Variants in ZCCHC7 observed in about 807,000 individuals in gnomAD.
ZCCHC7 encodes the protein zinc finger CCHC domain-containing protein 7.
ZCCHC7 carries 35 observed loss-of-function variants against 52.0 expected under a neutral mutation model. The observed-to-expected ratio is 0.67, with a 90% CI of 0.51 to 0.89. ZCCHC7 has a LOEUF of 0.89. Ranked by LOEUF, ZCCHC7 falls within the 40% of genes least tolerant of loss-of-function variation. ZCCHC7 has a pLI of 0.00. For synonymous variants in ZCCHC7, 217 were observed against 221.5 expected, an observed-to-expected ratio of 0.98 and a Z score of 0.18; for missense variants, 574 against 649.1, an observed-to-expected ratio of 0.88 and a Z score of 1.26.
intron 6 of ZCCHC7, among the ~76,000 whole-genome samples, chr9:37,334,864 T>A (rs2118334048): frequency 6.6e-6 from 1 of 152,234 alleles, no homozygotes; most frequent in Admixed American, 6.6e-5. Flanking sequence ...CCTTAATTGG[T>A]ACACCAGTAC....
chr9:37,354,947 A>G lies in ZCCHC7; in HGVS notation c.1198+123A>G. 1 of 594,748 alleles carries G rather than the reference A, an allele frequency of 1.7e-6. No homozygotes were observed. Among genetic ancestry groups the G allele is most frequent in the Admixed American group, 3.1e-5 (1 of 31,970 alleles). The allele number at this position is 594,748 out of a possible 1,614,324, so 36.8% of individuals were successfully genotyped here. A position where few individuals can be genotyped will look rare whatever the true frequency, so the allele number is the denominator to read the frequency against. ...TAGAAAGTATTTTTAGTAATTACCAAAGAGACTGGAACTTTCTTGATCTCC... is the reference window on the plus strand; with the variant it reads ...TAGAAAGTATTTTTAGTAATTACCAGAGAGACTGGAACTTTCTTGATCTCC... On this transcript the variant is annotated intron_variant, in intron 8 of 8. Transcript: ENST00000336755. This position sits in a 1 kb window ranked among gnomAD's most constrained non-coding sequence, Gnocchi z 4.0.
chr9:37,340,943 G>T (rs1820597495), intron 6 of ZCCHC7, among the ~76,000 whole-genome samples: 1 of 152,050 alleles, frequency 6.6e-6, no homozygotes, highest in Admixed American at 6.6e-5. Context: ...ACAATATACT[G>T]TTGCTATTTT....
At chr9:37,301,570 A>T (rs1829031491) in intron 2 of ZCCHC7, among the ~76,000 whole-genome samples, 1 of 152,210 alleles carries the variant, frequency 6.6e-6, no homozygotes, top group Non-Finnish European at 1.5e-5. Context: ...ACTGTACTCC[A>T]GTCTTGGCAA....
chr9:37,198,737 C>T (rs1823424550), intron 2 of ZCCHC7, among the ~76,000 whole-genome samples: 1 of 152,226 alleles, frequency 6.6e-6, no homozygotes, highest in African/African-American at 2.4e-5. Context: ...GTCTCTAGTA[C>T]AGTATCTTAG....
chr9:37,232,089 A>G (rs1448370492), intron 2 of ZCCHC7, among the ~76,000 whole-genome samples: 1 of 152,190 alleles, frequency 6.6e-6, no homozygotes, highest in African/African-American at 2.4e-5. Flanking sequence ...TTTTTCTTAA[A>G]TTATTTAAAG....
At chr9:37,242,611 G>C (rs1825920599) in intron 2 of ZCCHC7, among the ~76,000 whole-genome samples, 1 of 151,696 alleles carries the variant, frequency 6.6e-6, no homozygotes, top group Non-Finnish European at 1.5e-5. Context: ...CTTTCTGATA[G>C]TACATATTCC....
chr9:37,193,349 C>A (rs771989892), intron 2 of ZCCHC7, among the ~76,000 whole-genome samples: 1 of 152,040 alleles, frequency 6.6e-6, no homozygotes, highest in Non-Finnish European at 1.5e-5. Context: ...GTAAATCAGA[C>A]ATTGGAATAA....
intron 2 of ZCCHC7, among the ~76,000 whole-genome samples, chr9:37,250,969 A>C (rs1157942996): frequency 6.6e-6 from 1 of 152,186 alleles, no homozygotes; most frequent in Non-Finnish European, 1.5e-5. Context: ...TCTACTTGGA[A>C]GTTTTAAAAT....
intron 6 of ZCCHC7, among the ~76,000 whole-genome samples, chr9:37,328,316 C>T (rs185091293): frequency 6.6e-6 from 1 of 152,122 alleles, no homozygotes; most frequent in African/African-American, 2.4e-5. Context: ...TTAAGCCCTT[C>T]TTGACTTATT....
chr9:37,298,395 G>A (rs1332350138), intron 2 of ZCCHC7, among the ~76,000 whole-genome samples: 2 of 152,118 alleles, frequency 1.3e-5, no homozygotes, highest in Non-Finnish European at 2.9e-5. Context: ...ATCATCACCA[G>A]ATGAATAGCT....
At chr9:37,255,861 C>T (rs142495403) in intron 2 of ZCCHC7, among the ~76,000 whole-genome samples, 39 of 152,164 alleles carry the variant, frequency 2.6e-4, no homozygotes, top group African/African-American at 9.1e-4. Context: ...TGAGCTTTGC[C>T]CAGCCACAGA....
intron 2 of ZCCHC7, among the ~76,000 whole-genome samples, chr9:37,138,598 T>C (rs915591878): frequency 1.3e-5 from 2 of 152,094 alleles, no homozygotes; most frequent in African/African-American, 4.8e-5. Flanking sequence ...ACTAAATTCA[T>C]TGGAAACTGC....
chr9:37,274,080 A>G (rs1827564056), intron 2 of ZCCHC7, among the ~76,000 whole-genome samples: 2 of 152,080 alleles, frequency 1.3e-5, no homozygotes, highest in African/African-American at 4.8e-5. Context: ...CTGCCAGTGC[A>G]TTTTTCATCA....
chr9:37,206,208 G>A (rs1250622250), intron 2 of ZCCHC7, among the ~76,000 whole-genome samples: 1 of 152,008 alleles, frequency 6.6e-6, no homozygotes, highest in Non-Finnish European at 1.5e-5. Flanking sequence ...CAAGAGAATA[G>A]TACTAAGCCA....
intron 2 of ZCCHC7, among the ~76,000 whole-genome samples, chr9:37,253,784 G>A (rs1826443934): frequency 6.6e-6 from 1 of 151,956 alleles, no homozygotes; most frequent in African/African-American, 2.4e-5. Context: ...TGATTCACAA[G>A]TATAGATATG....
intron 2 of ZCCHC7, among the ~76,000 whole-genome samples, chr9:37,140,246 G>A (rs891570571): frequency 6.6e-6 from 1 of 151,796 alleles, no homozygotes; most frequent in African/African-American, 2.4e-5. Flanking sequence ...CTTTTAAGGA[G>A]GATTTTAATA....
chr9:37,252,494 C>G (rs1025864306), intron 2 of ZCCHC7, among the ~76,000 whole-genome samples: 8 of 152,140 alleles, frequency 5.3e-5, no homozygotes, highest in Non-Finnish European at 8.8e-5. Flanking sequence ...TTCATCCCTT[C>G]TATTGTCCCC....
chr9:37,209,222 A>G (rs1475065699), intron 2 of ZCCHC7, among the ~76,000 whole-genome samples: 1 of 151,896 alleles, frequency 6.6e-6, no homozygotes, highest in Non-Finnish European at 1.5e-5. Flanking sequence ...TTGTATTTTT[A>G]GTAGAGACGG....
At chr9:37,213,994 T>C (rs563469184) in intron 2 of ZCCHC7, among the ~76,000 whole-genome samples, 2 of 151,962 alleles carry the variant, frequency 1.3e-5, no homozygotes, top group South Asian at 4.1e-4. Context: ...ATTCGCTCAA[T>C]GGTGTGTATG....
Sources: allele counts gnomAD v4.1 joint callset (sites outside exome capture counted in the v4.1 genomes callset), GRCh38; gene constraint gnomAD v4.1.1; non-coding constraint Gnocchi (gnomAD v3.1); transcripts MANE v1.5; gene names NCBI Gene and HGNC (gene_info 2026-07-23, HGNC 2026-07-21).